CAST: variants seen among roughly 807,000 people sequenced by gnomAD.
The protein encoded by CAST is MIR583 host.
In CAST, 76 loss-of-function variants were observed where a neutral mutation model predicts 119.6. The observed-to-expected ratio is 0.64, with a 90% CI of 0.53 to 0.77. The LOEUF is 0.77. Ranked by LOEUF, CAST falls within the 30% of genes least tolerant of loss-of-function variation. The pLI is 0.00. For missense variants in CAST, 953 were observed against 946.5 expected (o/e 1.01, Z -0.09); for synonymous variants, 319 against 331.6 (o/e 0.96, Z 0.41).
the CAST span, among the ~76,000 whole-genome samples, chr5:96,040,189 A>G: frequency 2.6e-5 from 4 of 152,172 alleles, no homozygotes; most frequent in South Asian, 2.1e-4. Context: ...TTATTGGTGT[A>G]TAGGAATGCT....
At chr5:96,025,071 T>G in the CAST span, among the ~76,000 whole-genome samples, 1,394 of 152,346 alleles carry the variant, frequency 9.2e-3, 14 homozygotes, top group Non-Finnish European at 0.013. Context: ...CTGTAATTAA[T>G]CTGAAGCTTT....
At chr5:96,619,539 A>T (rs570773272) in intron 1 of CAST, among the ~76,000 whole-genome samples, 1 of 152,238 alleles carries the variant, frequency 6.6e-6, no homozygotes, top group East Asian at 1.9e-4. Flanking sequence ...ACAGTGTGGT[A>T]GCTTTGTTCT....
At chr5:96,498,818 G>T in the CAST span, among the ~76,000 whole-genome samples, 1 of 152,202 alleles carries the variant, frequency 6.6e-6, no homozygotes, top group South Asian at 2.1e-4. Context: ...CCAGCCTCCA[G>T]GTCCAAGGCT....
chr5:96,662,903 C>G (rs1477960625), intron 1 of CAST: 4 of 577,258 alleles, frequency 6.9e-6, no homozygotes, highest in Non-Finnish European at 1.2e-5. Context: ...CCTGGAGACG[C>G]AGAGCCTCTT....
the CAST span, among the ~76,000 whole-genome samples, chr5:96,440,668 AG>A: frequency 1.1e-4 from 17 of 152,280 alleles, no homozygotes; most frequent in East Asian, 3.3e-3. Flanking sequence ...TCAATCATTT[AG>A]GGTAGGGCCA....
At chr5:96,283,390 A>G in the CAST span, among the ~76,000 whole-genome samples, 25 of 152,220 alleles carry the variant, frequency 1.6e-4, no homozygotes, top group Non-Finnish European at 3.2e-4. Flanking sequence ...TCTTACATCC[A>G]GGCACATACA....
chr5:96,307,340 T>C, the CAST span, among the ~76,000 whole-genome samples: 1 of 152,246 alleles, frequency 6.6e-6, no homozygotes, highest in South Asian at 2.1e-4. Flanking sequence ...TGAGCCTATG[T>C]GTGTCTTTGC....
the CAST span, among the ~76,000 whole-genome samples, chr5:96,387,849 T>G: frequency 6.6e-6 from 1 of 152,082 alleles, no homozygotes. Flanking sequence ...TCATCGAGGT[T>G]TATAAATCAC....
chr5:96,302,570 C>T, the CAST span, among the ~76,000 whole-genome samples: 2 of 152,148 alleles, frequency 1.3e-5, no homozygotes, highest in African/African-American at 2.4e-5. Flanking sequence ...TAAGCATAGG[C>T]TTTTAGAAGC....
the CAST span, among the ~76,000 whole-genome samples, chr5:96,097,380 G>T: frequency 6.6e-6 from 1 of 151,140 alleles, no homozygotes; most frequent in African/African-American, 2.4e-5. Context: ...ACAAGTGCAG[G>T]TTTGTTATAT....
the CAST span, among the ~76,000 whole-genome samples, chr5:96,262,654 C>T: frequency 2.4e-4 from 36 of 152,232 alleles, no homozygotes; most frequent in African/African-American, 6.3e-4. Flanking sequence ...CTCAGCCTCC[C>T]GAGTAGCTGG....
At chr5:96,510,439 G>A in the CAST span, among the ~76,000 whole-genome samples, 3 of 152,210 alleles carry the variant, frequency 2.0e-5, no homozygotes, top group Admixed American at 6.5e-5. Flanking sequence ...GTAGCAGGGT[G>A]AGAATATCTA....
At chr5:96,656,187 CG>C (rs1179960852) in intron 1 of CAST, among the ~76,000 whole-genome samples, 1 of 151,950 alleles carries the variant, frequency 6.6e-6, no homozygotes, top group Non-Finnish European at 1.5e-5. Context: ...CTGAGGACCA[CG>C]GGGAAAAAAA....
the CAST span, among the ~76,000 whole-genome samples, chr5:96,158,102 C>A: frequency 6.9e-6 from 1 of 144,500 alleles, no homozygotes; most frequent in Non-Finnish European, 1.5e-5. Context: ...AAAAACCCAA[C>A]ACTAAAACTG....
chr5:96,383,909 C>A, the CAST span, among the ~76,000 whole-genome samples: 2 of 152,148 alleles, frequency 1.3e-5, no homozygotes, highest in African/African-American at 4.8e-5. Flanking sequence ...AGTAAGTGGG[C>A]AGGCTTGAGA....
chr5:96,021,185 G>C, the CAST span, among the ~76,000 whole-genome samples: 1 of 152,148 alleles, frequency 6.6e-6, no homozygotes, highest in African/African-American at 2.4e-5. Context: ...AGGATCATTA[G>C]AAACTCTAGC....
chr5:96,771,273 A>C (rs1403816842), intron 30 of CAST, among the ~76,000 whole-genome samples: 1 of 152,214 alleles, frequency 6.6e-6, no homozygotes, highest in Non-Finnish European at 1.5e-5. Context: ...AATAGAAAGC[A>C]TAATAACCCT....
chr5:96,548,146 T>C (rs1321549545), intron 1 of CAST, among the ~76,000 whole-genome samples: 1 of 152,212 alleles, frequency 6.6e-6, no homozygotes, highest in Non-Finnish European at 1.5e-5. Flanking sequence ...GGTATTTCTT[T>C]TTCTCCGGTA....
chr5:96,608,433 G>A (rs760799988), intron 1 of CAST, among the ~76,000 whole-genome samples: 4 of 151,954 alleles, frequency 2.6e-5, no homozygotes, highest in Non-Finnish European at 5.9e-5. Context: ...TGTGGACTAG[G>A]TTTAATACTC....
Sources: gnomAD v4.1 joint callset for allele counts (sites outside exome capture counted in the v4.1 genomes callset) on GRCh38, gnomAD v4.1.1 for gene constraint, MANE v1.5 for transcripts, NCBI Gene and HGNC (gene_info 2026-07-23, HGNC 2026-07-21) for gene names.